Variants in ANXA4 observed in about 807,000 individuals in gnomAD.
ANXA4 encodes 35-beta calcimedin.
ANXA4 carries 39 observed loss-of-function variants against 49.8 expected under a neutral mutation model. The ratio of observed to expected loss-of-function variants is 0.78; its 90% confidence interval spans 0.61 to 1.02. The LOEUF is 1.02. Among genes scored for constraint, ANXA4 ranks in the 50% least tolerant of loss-of-function variants. The pLI, the probability that ANXA4 is intolerant of heterozygous loss-of-function variation, is 0.00. For missense variants in ANXA4, 360 were observed against 410.1 expected, an observed-to-expected ratio of 0.88 and a Z score of 1.05; for synonymous variants, 134 against 152.5, an observed-to-expected ratio of 0.88 and a Z score of 0.89.
intron 3 of ANXA4, among the ~76,000 whole-genome samples, chr2:69,730,091 G>T (rs948827434): frequency 2.0e-5 from 3 of 152,192 alleles, no homozygotes; most frequent in African/African-American, 7.2e-5. Context: ...TGTAATCTCA[G>T]CACTTTGGGA....
chr2:69,768,022 A>G (rs1200393172), intron 1 of ANXA4, among the ~76,000 whole-genome samples: 1 of 152,116 alleles, frequency 6.6e-6, no homozygotes, highest in Non-Finnish European at 1.5e-5. Flanking sequence ...TACACATACT[A>G]TATAGTATAT....
intron 2 of ANXA4, among the ~76,000 whole-genome samples, chr2:69,658,567 C>T (rs1263519761): frequency 6.6e-6 from 1 of 152,126 alleles, no homozygotes; most frequent in Non-Finnish European, 1.5e-5. Context: ...CTTGTTTAAC[C>T]CAGTATTCTC....
chr2:69,816,783 G>C (rs1043425866), intron 9 of ANXA4: 1 of 152,194 alleles, frequency 6.6e-6, no homozygotes, highest in African/African-American at 2.4e-5. Context: ...TTTTAAACAA[G>C]CAAGTAAGGA....
At chr2:69,798,409 A>G (rs911362977) in intron 3 of ANXA4, among the ~76,000 whole-genome samples, 4 of 152,242 alleles carry the variant, frequency 2.6e-5, no homozygotes, top group Admixed American at 6.5e-5. Context: ...TAAGATTTGC[A>G]ATAGGAAAAC....
intron 2 of ANXA4, among the ~76,000 whole-genome samples, chr2:69,707,342 T>C (rs1480992703): frequency 6.6e-6 from 1 of 152,220 alleles, no homozygotes; most frequent in Non-Finnish European, 1.5e-5. Flanking sequence ...CAAGCAGTAA[T>C]GTGTACAAAA....
At chr2:69,799,967 G>T (rs1301625929) in intron 3 of ANXA4, among the ~76,000 whole-genome samples, 2 of 152,142 alleles carry the variant, frequency 1.3e-5, no homozygotes, top group Non-Finnish European at 1.5e-5. Context: ...GCTTTCCATG[G>T]GTTATCTGTT....
chr2:69,810,360 A>G (rs1673644789), intron 6 of ANXA4: 1 of 478,822 alleles, frequency 2.1e-6, no homozygotes, highest in Admixed American at 3.2e-5. Context: ...ACAGAATGAG[A>G]CTCCATCTCA....
At chr2:69,794,917 T>C (rs1224737341) in intron 3 of ANXA4, among the ~76,000 whole-genome samples, 1 of 152,154 alleles carries the variant, frequency 6.6e-6, no homozygotes, top group Non-Finnish European at 1.5e-5. Context: ...ACTCACAGTT[T>C]ACAAAATCCA....
At chr2:69,680,034 C>A (rs1407711655) in intron 2 of ANXA4, among the ~76,000 whole-genome samples, 1 of 152,096 alleles carries the variant, frequency 6.6e-6, no homozygotes, top group African/African-American at 2.4e-5. Context: ...TCCCCTATTT[C>A]TGTAAAAAAT....
chr2:69,790,463 A>T (rs1433785438), intron 3 of ANXA4, among the ~76,000 whole-genome samples: 1 of 152,164 alleles, frequency 6.6e-6, no homozygotes, highest in Admixed American at 6.5e-5. Flanking sequence ...AAACTTCACA[A>T]GGAGGTTTAG....
At chr2:69,818,416 A>C (rs1674092940) in intron 9 of ANXA4, 183 bp from the exon 10 acceptor site, 9 of 387,600 alleles carry the variant, frequency 2.3e-5, no homozygotes. Flanking sequence ...CTTCCTCCTT[A>C]TCTGGGGCCC....
intron 11 of ANXA4, among the ~76,000 whole-genome samples, chr2:69,820,195 G>A (rs1674170773): frequency 6.6e-6 from 1 of 151,190 alleles, no homozygotes; most frequent in Non-Finnish European, 1.5e-5. Context: ...ATGTAAGACA[G>A]TAGTTGAGGA....
intron 2 of ANXA4, among the ~76,000 whole-genome samples, chr2:69,677,015 A>G (rs1002520998): frequency 3.3e-5 from 5 of 152,048 alleles, no homozygotes; most frequent in African/African-American, 1.2e-4. Flanking sequence ...GGTTCTCACT[A>G]TATCGCCCAG....
intron 3 of ANXA4, among the ~76,000 whole-genome samples, chr2:69,789,639 G>A (rs1311539497): frequency 1.3e-5 from 2 of 152,004 alleles, no homozygotes; most frequent in South Asian, 4.1e-4. Flanking sequence ...TAGTAAAATT[G>A]TCAGGGTTTT....
intron 2 of ANXA4, among the ~76,000 whole-genome samples, chr2:69,685,132 G>A (rs555322680): frequency 2.0e-5 from 3 of 151,950 alleles, no homozygotes; most frequent in African/African-American, 4.8e-5. Flanking sequence ...TGTAGATAAT[G>A]GTCTGTAACC....
chr2:69,772,207 C>T (rs1352965773), intron 1 of ANXA4, among the ~76,000 whole-genome samples: 1 of 152,238 alleles, frequency 6.6e-6, no homozygotes, highest in Non-Finnish European at 1.5e-5. Flanking sequence ...GGCATAGTTG[C>T]TAATTATTTC....
chr2:69,685,577 C>A (rs1191232982), intron 2 of ANXA4, among the ~76,000 whole-genome samples: 2 of 152,066 alleles, frequency 1.3e-5, no homozygotes, highest in Non-Finnish European at 2.9e-5. Flanking sequence ...TTATAGGCAA[C>A]ATGAAGTTAG....
intron 2 of ANXA4, among the ~76,000 whole-genome samples, chr2:69,671,045 A>AG (rs1355882884): frequency 2.6e-5 from 4 of 151,280 alleles, no homozygotes; most frequent in Non-Finnish European, 5.9e-5. Context: ...AAAAAAAAAA[A>AG]AAAAGAAGGG....
intron 1 of ANXA4, among the ~76,000 whole-genome samples, chr2:69,757,262 A>ATTTTTT (rs1671084906): frequency 4.0e-5 from 2 of 50,260 alleles, no homozygotes; most frequent in East Asian, 7.4e-4. Flanking sequence ...ATATATATAT[A>ATTTTTT]TATATTTTTT....
Sources: gnomAD v4.1 joint callset for allele counts (sites outside exome capture counted in the v4.1 genomes callset) on GRCh38, gnomAD v4.1.1 for gene constraint, MANE v1.5 for transcripts, NCBI Gene and HGNC (gene_info 2026-07-23, HGNC 2026-07-21) for gene names.